CTXND1: variants seen among roughly 807,000 people sequenced by gnomAD.
CTXND1 encodes the protein cortexin domain-containing 1 protein.
intron 1 of CTXND1, among the ~76,000 whole-genome samples, chr15:80,245,174 C>T (rs1342956238): frequency 6.6e-6 from 1 of 152,158 alleles, no homozygotes; most frequent in Admixed American, 6.5e-5. Flanking sequence ...TGCAATCCCT[C>T]TATGGGCAAC....
rs117858861 is a variant in CTXND1, at chr15:80,246,718, G to C, written c.-218+5289C>G. ...CTGGGTCAGTGATTCTCAGATTTTA[G>C]ACTCTAATGTTTATCGTGCCTAATA... On this transcript the variant is annotated intron_variant, in intron 1 of 2. Transcript: ENST00000560778. 1.4e-3 allele frequency among the ~76,000 whole-genome samples: 209 copies of C among 152,334 alleles called. 1 individual carries two copies. The highest frequency in any genetic ancestry group is 1.6e-3 in the Non-Finnish European group (110 of 68,028).
At chr15:80,228,025 T>C (rs1163415612) in intron 1 of CTXND1, among the ~76,000 whole-genome samples, 1 of 152,226 alleles carries the variant, frequency 6.6e-6, no homozygotes, top group African/African-American at 2.4e-5. Context: ...GTATGTAATA[T>C]TCTAAATCCT....
intron 1 of CTXND1, among the ~76,000 whole-genome samples, chr15:80,232,804 C>T (rs1893446225): frequency 6.6e-6 from 1 of 152,180 alleles, no homozygotes; most frequent in Non-Finnish European, 1.5e-5. Context: ...ATCCCAAAGC[C>T]CTTCCCAAGT....
At chr15:80,232,415 G>A (rs550707286) in intron 1 of CTXND1, among the ~76,000 whole-genome samples, 17 of 152,258 alleles carry the variant, frequency 1.1e-4, no homozygotes, top group African/African-American at 3.4e-4. Flanking sequence ...CAGTGGCCCC[G>A]ATGTAATTAT....
chr15:80,202,374 A>C (rs1035951923), intron 2 of CTXND1, among the ~76,000 whole-genome samples: 3 of 152,224 alleles, frequency 2.0e-5, no homozygotes, highest in Non-Finnish European at 4.4e-5. Context: ...AAAGGCAGTT[A>C]GGATAATGCT....
chr15:80,240,921 T>C (rs527532643), intron 1 of CTXND1, among the ~76,000 whole-genome samples: 24 of 152,330 alleles, frequency 1.6e-4, no homozygotes, highest in Admixed American at 1.2e-3. Context: ...CTTTTCATCC[T>C]GCTCTGTGCC....
At chr15:80,217,758 G>A (rs1893269831) in intron 1 of CTXND1, among the ~76,000 whole-genome samples, 1 of 151,996 alleles carries the variant, frequency 6.6e-6, no homozygotes, top group Non-Finnish European at 1.5e-5. Flanking sequence ...TGTTGCCCAG[G>A]CTGGTCTCGA....
At chr15:80,223,788 G>T (rs1893344076) in intron 1 of CTXND1, among the ~76,000 whole-genome samples, 1 of 142,874 alleles carries the variant, frequency 7.0e-6, no homozygotes, top group Non-Finnish European at 1.5e-5. Context: ...TGTGAAATTA[G>T]AACCTTTTAA....
intron 1 of CTXND1, among the ~76,000 whole-genome samples, chr15:80,222,303 A>T (rs1225047984): frequency 1.3e-5 from 2 of 152,202 alleles, no homozygotes; most frequent in Non-Finnish European, 2.9e-5. Context: ...TATGAATATT[A>T]TACCACTCTT....
chr15:80,224,294 C>A (rs1284260660), intron 1 of CTXND1, among the ~76,000 whole-genome samples: 1 of 152,192 alleles, frequency 6.6e-6, no homozygotes, highest in East Asian at 1.9e-4. Context: ...TAGCTGAGCC[C>A]ACTTAACTCC....
At chr15:80,237,029 CCTT>C in intron 1 of CTXND1, among the ~76,000 whole-genome samples, 1 of 151,832 alleles carries the variant, frequency 6.6e-6, no homozygotes, top group South Asian at 2.1e-4. Flanking sequence ...AGAGGATACT[CCTT>C]CTGTTTATTA....
Position 80,197,008 on chromosome 15 carries a change from G to A in CTXND1, c.*4762C>T, listed in dbSNP as rs554539005. The stretch of plus-strand genomic sequence containing the variant: ...CTAGATCCTTCTCCTTGTCTCTCTA[G>A]GCAAGAGATGGTAACAGTTGGTGGC... On this transcript the variant is annotated 3_prime_UTR_variant, in exon 3 of 3. Transcript: ENST00000560778. The A allele has an allele frequency of 1.2e-4, 19 of 152,250 alleles. No homozygotes were observed. Among genetic ancestry groups the A allele is most frequent in the African/African-American group, 4.6e-4 (19 of 41,536 alleles). 9.4% of individuals were successfully genotyped at this position (152,250 alleles called of 1,614,324 possible). A position where few individuals can be genotyped will look rare whatever the true frequency, so the allele number is the denominator to read the frequency against.
intron 1 of CTXND1, among the ~76,000 whole-genome samples, chr15:80,247,842 G>A (rs962139104): frequency 6.6e-6 from 1 of 152,148 alleles, no homozygotes; most frequent in Non-Finnish European, 1.5e-5. Context: ...TGGGCCCAGG[G>A]AAAGGGAACA....
intron 1 of CTXND1, among the ~76,000 whole-genome samples, chr15:80,213,763 A>G (rs935598473): frequency 6.6e-6 from 1 of 152,228 alleles, no homozygotes; most frequent in African/African-American, 2.4e-5. Context: ...CAACATCTTT[A>G]GGATTTTGAA....
At position 80,196,287 on chromosome 15, in the gene CTXND1, T is replaced by G. The variant is rs948510149; in HGVS notation, c.*5483A>C. 1 of 152,228 alleles carries G rather than the reference T, an allele frequency of 6.6e-6. No homozygotes were observed. Among genetic ancestry groups the G allele is most frequent in the African/African-American group, 2.4e-5 (1 of 41,458 alleles). 9.4% of individuals were successfully genotyped at this position (152,228 alleles called of 1,614,324 possible). ...TCCAGGTGAGATCTTCAAGGCCTCT[T>G]CATGTTCTTTAGGAATCTGTGGATA... On this transcript the variant is annotated 3_prime_UTR_variant, in exon 3 of 3. Coordinates refer to ENST00000560778, the MANE Select transcript of CTXND1 (RefSeq NM_001352888.2).
At chr15:80,243,115 C>T (rs1326115674) in intron 1 of CTXND1, among the ~76,000 whole-genome samples, 3 of 152,166 alleles carry the variant, frequency 2.0e-5, no homozygotes, top group East Asian at 1.9e-4. Context: ...TGCATCTGCC[C>T]GGTTCCCTTG....
At chr15:80,235,461 A>C (rs532449113) in intron 1 of CTXND1, among the ~76,000 whole-genome samples, 33 of 152,284 alleles carry the variant, frequency 2.2e-4, no homozygotes, top group Admixed American at 2.1e-3. Flanking sequence ...GCTCGCCCTA[A>C]ATTATGCTCA....
Position 80,200,415 on chromosome 15 carries a change from C to T in CTXND1, c.*1355G>A, listed in dbSNP as rs112548891. On this transcript the variant is annotated 3_prime_UTR_variant, in exon 3 of 3. Transcript: ENST00000560778. ...AAGTAGAGGAATTGGGACTTGGGGC[C>T]GGTTTTGTAGGCTCTGCTCTAATGA... 1,039 of 151,930 alleles carry T rather than the reference C, an allele frequency of 6.8e-3. 14 individuals carry two copies. The highest frequency in any genetic ancestry group is 0.024 in the African/African-American group (977 of 41,358). The allele number at this position is 151,930 out of a possible 1,614,324, so 9.4% of individuals were successfully genotyped here.
chr15:80,239,538 T>C (rs1010016301), intron 1 of CTXND1, among the ~76,000 whole-genome samples: 1 of 152,248 alleles, frequency 6.6e-6, no homozygotes, highest in African/African-American at 2.4e-5. Context: ...TCTCCCATGC[T>C]GGATGCTTCC....
Sources: gnomAD v4.1 joint callset for allele counts (sites outside exome capture counted in the v4.1 genomes callset) on GRCh38, gnomAD v4.1.1 for gene constraint, MANE v1.5 for transcripts, NCBI Gene and HGNC (gene_info 2026-07-23, HGNC 2026-07-21) for gene names.